The following RUNDC3B variants were observed in gnomAD, a reference collection of about 807,000 sequenced individuals.
The protein encoded by RUNDC3B is RUN domain-containing protein 3B.
Under a neutral mutation model 58.4 loss-of-function variants are expected in RUNDC3B, and 33 were observed. The ratio of observed to expected loss-of-function variants is 0.56; its 90% CI spans 0.43 to 0.75. RUNDC3B has a LOEUF of 0.75. Among genes scored for constraint, RUNDC3B ranks in the 30% least tolerant of loss-of-function variants. The pLI is 0.00. For missense variants in RUNDC3B, 501 were observed against 535.7 expected (o/e 0.94, Z 0.64); for synonymous variants, 193 against 195.2 (o/e 0.99, Z 0.10).
intron 10 of RUNDC3B, among the ~76,000 whole-genome samples, chr7:87,828,626 G>A (rs904410723): frequency 1.3e-5 from 2 of 152,186 alleles, no homozygotes; most frequent in Non-Finnish European, 2.9e-5. Context: ...GTCCACTGCT[G>A]ATGGGCTCCT....
intron 3 of RUNDC3B, among the ~76,000 whole-genome samples, chr7:87,704,966 G>A (rs992162604): frequency 1.3e-5 from 2 of 152,214 alleles, no homozygotes; most frequent in South Asian, 4.1e-4. Flanking sequence ...CTTGACACAT[G>A]TGAAAAGATA....
chr7:87,753,485 C>T (rs1833155532), intron 6 of RUNDC3B, among the ~76,000 whole-genome samples: 1 of 152,102 alleles, frequency 6.6e-6, no homozygotes, highest in Non-Finnish European at 1.5e-5. Context: ...GTTAAAATCT[C>T]CCGTTATTAA....
intron 7 of RUNDC3B, among the ~76,000 whole-genome samples, chr7:87,771,217 T>C (rs1230612397): frequency 6.6e-6 from 1 of 152,076 alleles, no homozygotes; most frequent in Non-Finnish European, 1.5e-5. Context: ...TACTGTATTT[T>C]CTATTTTTCT....
intron 2 of RUNDC3B, among the ~76,000 whole-genome samples, chr7:87,687,968 G>A (rs1213164291): frequency 6.6e-6 from 1 of 152,100 alleles, no homozygotes; most frequent in African/African-American, 2.4e-5. Context: ...GTTGGAAAAT[G>A]AGACTTAAAT....
chr7:87,829,816 G>A, intron 10 of RUNDC3B, 69 bp from the exon 11 acceptor site: 2 of 1,172,360 alleles, frequency 1.7e-6, no homozygotes, highest in Non-Finnish European at 2.4e-6. Context: ...ATTTCTAATG[G>A]TTTTAGGATC....
At position 87,829,992 on chromosome 7, in the gene RUNDC3B, A is replaced by C; in HGVS notation, c.1333A>C (p.Thr445Pro). The C allele has an allele frequency of 6.2e-7, 1 of 1,609,026 alleles. No homozygotes were observed. Among genetic ancestry groups the C allele is most frequent in the Non-Finnish European group, 8.5e-7 (1 of 1,177,560 alleles). Reference protein sequence around the residue: ...LKSNDYLASPTTEMTSPGLTP... With the variant: ...LKSNDYLASPPTEMTSPGLTP... ...ATCTAATGACTACCTTGCAAGTCCT[A>C]CAACAGAGATGACAAGTCCAGGCCT... Residue 445 changes from threonine to proline, a missense_variant, in exon 11 of 11, where the codon ACA becomes CCA. By Grantham distance (38) the Thr-to-Pro change is conservative. Transcript: ENST00000394654.
chr7:87,680,747 A>G (rs936910510), intron 2 of RUNDC3B, among the ~76,000 whole-genome samples: 1 of 150,246 alleles, frequency 6.7e-6, no homozygotes, highest in Non-Finnish European at 1.5e-5. Context: ...GTGAGCCAAG[A>G]TCGCGCCATT....
intron 8 of RUNDC3B, among the ~76,000 whole-genome samples, chr7:87,780,753 C>G (rs1243357208): frequency 6.6e-6 from 1 of 152,106 alleles, no homozygotes; most frequent in Non-Finnish European, 1.5e-5. Flanking sequence ...TTCTCCATTG[C>G]TTATTTTTGT....
In RUNDC3B at chr7:87,764,355, T is replaced by G. The variant is rs76540606; in HGVS notation, c.630-6226T>G. 7.0e-3 allele frequency among the ~76,000 whole-genome samples: 1,061 copies of G among 152,014 alleles called. 9 individuals carry two copies. The highest frequency in any genetic ancestry group is 0.049 in the East Asian group (252 of 5,184). ...AATTTAAAGTATCAAATCAATAGCT[T>G]TATTAGCTTAATTAACTTTAAGTCT... On this transcript the variant is annotated intron_variant, in intron 6 of 10. Transcript: ENST00000394654.
chr7:87,755,030 T>G (rs1833286182), intron 6 of RUNDC3B, among the ~76,000 whole-genome samples: 1 of 150,932 alleles, frequency 6.6e-6, no homozygotes, highest in Non-Finnish European at 1.5e-5. Context: ...ACAATTTCTT[T>G]TTTTTTTTTT....
chr7:87,782,938 G>T (rs1284190756), intron 8 of RUNDC3B, among the ~76,000 whole-genome samples: 1 of 152,156 alleles, frequency 6.6e-6, no homozygotes, highest in Non-Finnish European at 1.5e-5. Context: ...AAAGTATATT[G>T]TGTGGTTGAT....
intron 8 of RUNDC3B, among the ~76,000 whole-genome samples, chr7:87,799,840 C>T (rs1044784706): frequency 2.1e-5 from 3 of 146,158 alleles, no homozygotes; most frequent in Admixed American, 1.4e-4. Flanking sequence ...GAGCCAAGAT[C>T]GTGCCACTGC....
chr7:87,751,505 T>C (rs369951246), intron 6 of RUNDC3B, among the ~76,000 whole-genome samples: 2 of 152,184 alleles, frequency 1.3e-5, no homozygotes, highest in Non-Finnish European at 2.9e-5. Flanking sequence ...ATTCTTCCTA[T>C]CCATGAGCAT....
intron 2 of RUNDC3B, among the ~76,000 whole-genome samples, chr7:87,669,625 A>G (rs548031738): frequency 3.9e-5 from 6 of 152,230 alleles, no homozygotes; most frequent in African/African-American, 1.2e-4. Flanking sequence ...TTTCCTTTCT[A>G]TATAGTGCTC....
At chr7:87,800,104 G>A (rs566597052) in intron 8 of RUNDC3B, among the ~76,000 whole-genome samples, 2 of 152,220 alleles carry the variant, frequency 1.3e-5, no homozygotes, top group Non-Finnish European at 1.5e-5. Flanking sequence ...AGTTGCATTG[G>A]AATATTTGGA....
intron 4 of RUNDC3B, among the ~76,000 whole-genome samples, chr7:87,732,599 G>A (rs1831650757): frequency 6.6e-6 from 1 of 152,144 alleles, no homozygotes; most frequent in African/African-American, 2.4e-5. Flanking sequence ...TCAGCAGATT[G>A]AGAAATAACA....
chr7:87,680,050 C>A (rs1826772171), intron 2 of RUNDC3B, among the ~76,000 whole-genome samples: 1 of 150,436 alleles, frequency 6.6e-6, no homozygotes, highest in African/African-American at 2.5e-5. Flanking sequence ...AGACAGGCCC[C>A]AGTATATGAC....
Position 87,831,256 on chromosome 7 carries a change from T to G in RUNDC3B, c.*1226T>G, listed in dbSNP as rs1838112496. ...GAAATTTTATACATTGTTTACATGA[T>G]GAGGCCACAGTACTTACTGAGGACT... On this transcript the variant is annotated 3_prime_UTR_variant, in exon 11 of 11. Coordinates refer to ENST00000394654, the MANE Select transcript of RUNDC3B (RefSeq NM_001134405.2). The G allele has an allele frequency of 6.6e-6, 1 of 151,890 alleles. No homozygotes were observed. Among genetic ancestry groups the G allele is most frequent in the African/African-American group, 2.4e-5 (1 of 41,426 alleles). 9.4% of individuals were successfully genotyped at this position (151,890 alleles called of 1,614,324 possible). A position where few individuals can be genotyped will look rare whatever the true frequency, so the allele number is the denominator to read the frequency against.
At chr7:87,641,117 TAA>T (rs1243478121) in intron 1 of RUNDC3B, among the ~76,000 whole-genome samples, 2 of 152,210 alleles carry the variant, frequency 1.3e-5, no homozygotes, top group Admixed American at 6.5e-5. Context: ...CAATGTTTAT[TAA>T]GTTATTTCTT....
Sources: gnomAD v4.1 joint callset for allele counts (sites outside exome capture counted in the v4.1 genomes callset) on GRCh38, gnomAD v4.1.1 for gene constraint, MANE v1.5 for transcripts, NCBI Gene and HGNC (gene_info 2026-07-23, HGNC 2026-07-21) for gene names.